BRPF3: variants seen among roughly 807,000 people sequenced by gnomAD.
The protein encoded by BRPF3 is bromodomain and PHD finger containing 3.
BRPF3 carries 18 observed loss-of-function variants against 102.0 expected under a neutral mutation model. That is an observed-to-expected ratio of 0.18 (90% CI 0.12 to 0.26). BRPF3 has a LOEUF of 0.26. Ranked by LOEUF, BRPF3 falls within the 10% of genes least tolerant of loss-of-function variation. BRPF3 has a pLI of 1.00. For missense variants in BRPF3, 1,147 were observed against 1,567.8 expected (o/e 0.73, Z 4.53); for synonymous variants, 570 against 614.2 (o/e 0.93, Z 1.06).
At chr6:36,198,110 C>T (rs1767570258) in intron 1 of BRPF3, among the ~76,000 whole-genome samples, 1 of 152,138 alleles carries the variant, frequency 6.6e-6, no homozygotes, top group Non-Finnish European at 1.5e-5. Context: ...AATCCAGTAG[C>T]CAAGGGCCTC....
intron 2 of BRPF3, among the ~76,000 whole-genome samples, chr6:36,202,355 T>C (rs776530779): frequency 9.9e-5 from 15 of 151,718 alleles, no homozygotes; most frequent in African/African-American, 3.2e-4. Context: ...TCTTGAAGCT[T>C]TAGATTTAGG....
chr6:36,203,619 G>A (rs1767796849), intron 2 of BRPF3, among the ~76,000 whole-genome samples: 1 of 152,206 alleles, frequency 6.6e-6, no homozygotes, highest in East Asian at 1.9e-4. Context: ...CAAGGCCTAG[G>A]TGAGCAACGT....
At chr6:36,203,604 A>G (rs952013293) in intron 2 of BRPF3, among the ~76,000 whole-genome samples, 5 of 152,184 alleles carry the variant, frequency 3.3e-5, no homozygotes, top group African/African-American at 9.7e-5. Context: ...GACTGTGGAG[A>G]GGAGCAAGGC....
chr6:36,206,016 A>G (rs888161030), intron 3 of BRPF3, among the ~76,000 whole-genome samples: 9 of 150,598 alleles, frequency 6.0e-5, no homozygotes, highest in Non-Finnish European at 1.3e-4. Flanking sequence ...GTTACTTTTG[A>G]CTCTTTACTC....
chr6:36,223,255 C>T (rs560569935), intron 10 of BRPF3, among the ~76,000 whole-genome samples: 1 of 152,274 alleles, frequency 6.6e-6, no homozygotes, highest in Admixed American at 6.5e-5. Flanking sequence ...CTTTATTTTC[C>T]CTTAGCATCA....
chr6:36,227,359 T>C (rs1273714716), intron 11 of BRPF3, among the ~76,000 whole-genome samples: 1 of 152,222 alleles, frequency 6.6e-6, no homozygotes, highest in Non-Finnish European at 1.5e-5. Flanking sequence ...TTTGTATCGT[T>C]CTATTTATTG....
chr6:36,211,132 G>A (rs191164485), intron 6 of BRPF3, 126 bp from the exon 7 acceptor site: 17 of 1,096,068 alleles, frequency 1.6e-5, no homozygotes, highest in South Asian at 4.6e-5. Context: ...CCACAGTGAC[G>A]CTGCTGGAAG....
chr6:36,223,413 G>C (rs1029138793), intron 10 of BRPF3, among the ~76,000 whole-genome samples: 1 of 152,170 alleles, frequency 6.6e-6, no homozygotes, highest in Non-Finnish European at 1.5e-5. Context: ...CACACTTTGT[G>C]CTTCTGGTGG....
At chr6:36,225,185 C>A in intron 10 of BRPF3, 82 bp from the exon 11 acceptor site, 2 of 1,164,208 alleles carry the variant, frequency 1.7e-6, no homozygotes, top group Non-Finnish European at 2.5e-6. Flanking sequence ...TTGCCCCAGT[C>A]AAGTGGAGGC....
intron 2 of BRPF3, among the ~76,000 whole-genome samples, chr6:36,202,179 C>T (rs936718879): frequency 1.3e-5 from 2 of 152,134 alleles, no homozygotes; most frequent in South Asian, 4.1e-4. Flanking sequence ...TTGTGACAAA[C>T]TCAAACCCTC....
rs1235916243 is a variant in BRPF3 at position 36,210,980 on chromosome 6, G to A, written c.2180-278G>A. 6.6e-6 allele frequency among the ~76,000 whole-genome samples: 1 copy of A among 152,226 alleles called. No homozygotes were observed. Among genetic ancestry groups the A allele is most frequent in the Admixed American group, 6.5e-5 (1 of 15,288 alleles). Reference sequence around the variant, plus strand: ...CTCGATGGCAGCAGCCAGTCACTCAGGCCAGGGTATTGCCAAGCTGCCTCA... The same window carrying A: ...CTCGATGGCAGCAGCCAGTCACTCAAGCCAGGGTATTGCCAAGCTGCCTCA... On this transcript the variant is annotated intron_variant, in intron 6 of 12. Coordinates refer to ENST00000357641, the MANE Select transcript of BRPF3 (RefSeq NM_015695.3). This position sits in a 1 kb window ranked among gnomAD's most constrained non-coding sequence, Gnocchi z 4.7.
At chr6:36,211,117 A>G (rs1768089339) in intron 6 of BRPF3, 141 bp from the exon 7 acceptor site, 1 of 955,404 alleles carries the variant, frequency 1.0e-6, no homozygotes, top group Non-Finnish European at 1.6e-6. Flanking sequence ...TTGCAGGGCC[A>G]AGGCCCACAG....
Position 36,210,020 on chromosome 6 carries a change from G to A in BRPF3, c.1866+105G>A. On this transcript the variant is annotated intron_variant, in intron 5 of 12. Transcript: ENST00000357641. The surrounding 1 kb of genome is among the most constrained non-coding windows in gnomAD (Gnocchi z 4.7). ...CACAGGGTGTACAAAACCAGGGGTAGGAGGGTGGGTCTGGCAAAGCTAGTA... is the reference window on the plus strand; with the variant it reads ...CACAGGGTGTACAAAACCAGGGGTAAGAGGGTGGGTCTGGCAAAGCTAGTA... 6.6e-7 allele frequency: 1 copy of A among 1,510,516 alleles called. No individual in the cohort carries two copies. Among genetic ancestry groups the A allele is most frequent in the Non-Finnish European group, 9.0e-7 (1 of 1,109,858 alleles). 93.6% of individuals were successfully genotyped at this position (1,510,516 alleles called of 1,614,324 possible). A position where few individuals can be genotyped will look rare whatever the true frequency, so the allele number is the denominator to read the frequency against.
At chr6:36,212,120 T>C (rs1768140615) in intron 7 of BRPF3, among the ~76,000 whole-genome samples, 1 of 152,102 alleles carries the variant, frequency 6.6e-6, no homozygotes, top group Non-Finnish European at 1.5e-5. Context: ...AGATAGTTGG[T>C]TTCCACAGTT....
At chr6:36,219,747 T>C (rs757314291) in intron 9 of BRPF3, among the ~76,000 whole-genome samples, 1 of 152,132 alleles carries the variant, frequency 6.6e-6, no homozygotes, top group Non-Finnish European at 1.5e-5. Flanking sequence ...TTTTTCTTTT[T>C]CCCCCCATAC....
intron 10 of BRPF3, among the ~76,000 whole-genome samples, chr6:36,222,913 G>A (rs1234334290): frequency 6.6e-6 from 1 of 152,196 alleles, no homozygotes; most frequent in Non-Finnish European, 1.5e-5. Flanking sequence ...ATTGAAGGAA[G>A]TGTGTGTTTG....
At chr6:36,212,572 GAAAAAAAA>G (rs1013260246) in intron 7 of BRPF3, among the ~76,000 whole-genome samples, 3 of 44,958 alleles carry the variant, frequency 6.7e-5, no homozygotes, top group South Asian at 7.0e-4. Context: ...GCATCACCTA[GAAAAAAAA>G]AAAAAAAAAA....
chr6:36,205,854 A>C (rs1767887256), intron 3 of BRPF3, among the ~76,000 whole-genome samples: 1 of 152,204 alleles, frequency 6.6e-6, no homozygotes, highest in Admixed American at 6.5e-5. Context: ...TTCTGCCATC[A>C]GTCCCTCAGG....
At chr6:36,198,243 G>GAAA (rs1767575602) in intron 1 of BRPF3, among the ~76,000 whole-genome samples, 1 of 152,148 alleles carries the variant, frequency 6.6e-6, no homozygotes, top group African/African-American at 2.4e-5. Context: ...GTCACACTTT[G>GAAA]GGATTGGAAG....
Sources: gnomAD v4.1 joint callset for allele counts (sites outside exome capture counted in the v4.1 genomes callset) on GRCh38, gnomAD v4.1.1 for gene constraint, Gnocchi (gnomAD v3.1) non-coding constraint, MANE v1.5 for transcripts, NCBI Gene and HGNC (gene_info 2026-07-23, HGNC 2026-07-21) for gene names.